JAML: variants seen among roughly 807,000 people sequenced by gnomAD.
JAML encodes junctional adhesion molecule-like.
A neutral mutation model predicts 39.3 loss-of-function variants in JAML; 25 were observed. The observed-to-expected ratio is 0.64, with a 90% confidence interval of 0.46 to 0.89. The LOEUF is 0.89. Among genes scored for constraint, JAML ranks in the 40% least tolerant of loss-of-function variants. The pLI is 0.00. For missense variants in JAML, 440 were observed against 486.9 expected, an observed-to-expected ratio of 0.90 and a Z score of 0.91; for synonymous variants, 162 against 179.2, an observed-to-expected ratio of 0.90 and a Z score of 0.77.
At chr11:118,217,185 C>T (rs1398922609) in intron 1 of JAML, among the ~76,000 whole-genome samples, 3 of 152,228 alleles carry the variant, frequency 2.0e-5, no homozygotes, top group Non-Finnish European at 4.4e-5. Context: ...TACCGTGGGG[C>T]AGCACCGGCA....
chr11:118,194,341 GT>G lies in JAML; in HGVS notation c.1168del (p.Thr390HisfsTer71). On this transcript the variant is annotated frameshift_variant, in exon 10 of 10. Coordinates refer to ENST00000356289, the MANE Select transcript of JAML (RefSeq NM_001098526.2). LOFTEE classifies it high-confidence loss of function. ...CCATTCTTCTCAAAAGGCTTGCTGT[GT>G]TTTTGGCATTCCCCCACCTGACTTT... ...EKKSGGGMPKTQQAF is the reference protein window; with the variant it reads ...EKKSGGGMPKXQQAF The G allele has an allele frequency of 6.2e-7, 1 of 1,613,844 alleles. No homozygotes were observed. The highest frequency in any genetic ancestry group is 8.5e-7 in the Non-Finnish European group (1 of 1,179,770).
chr11:118,199,918 G>A (rs923986766), intron 7 of JAML, among the ~76,000 whole-genome samples: 21 of 151,828 alleles, frequency 1.4e-4, no homozygotes, highest in African/African-American at 5.1e-4. Context: ...GGATGGTCTC[G>A]ATCTCCTGAC....
At chr11:118,215,421 G>A (rs1488119825) in intron 1 of JAML, among the ~76,000 whole-genome samples, 1 of 152,138 alleles carries the variant, frequency 6.6e-6, no homozygotes, top group Non-Finnish European at 1.5e-5. Context: ...GCCCAGGCTG[G>A]GGTGCAGTGA....
chr11:118,206,972 C>A (rs1948929334), intron 4 of JAML, among the ~76,000 whole-genome samples: 1 of 152,178 alleles, frequency 6.6e-6, no homozygotes, highest in African/African-American at 2.4e-5. Context: ...AAGCAAAGAT[C>A]ACAAGGGAAC....
intron 2 of JAML, chr11:118,213,090 G>T (rs1949093855): frequency 2.0e-6 from 3 of 1,500,202 alleles, no homozygotes; most frequent in Non-Finnish European, 1.8e-6. Flanking sequence ...ACAGAGCACA[G>T]CTTTCCTCCT....
rs1173555666 is a variant in JAML at position 118,205,895 on chromosome 11, C to T, written c.521G>A (p.Gly174Glu). ...CCTCCTTGTTACCTTTGCGCGCCGT[C>T]CTGAAAATATCCATTCTACCTTGGT... ...HVTKVEWIFS[G>E]RRAKEEIVFR... Residue 174 changes from glycine to glutamate, a missense_variant, in exon 5 of 10, where the codon GGA becomes GAA. Physicochemically the swap from Gly to Glu is moderately conservative, Grantham distance 98. Transcript: ENST00000356289. 1.9e-6 allele frequency: 3 copies of T among 1,614,018 alleles called. No homozygotes were observed. In the South Asian group the frequency reaches 3.3e-5, roughly 18 times the overall value.
chr11:118,224,568 T>C (rs1380735319), intron 1 of JAML, among the ~76,000 whole-genome samples: 2 of 152,216 alleles, frequency 1.3e-5, no homozygotes, highest in African/African-American at 2.4e-5. Flanking sequence ...AATTAAAAAC[T>C]GTCTTCTAAA....
At chr11:118,196,368 T>C (rs1948655631) in intron 9 of JAML, among the ~76,000 whole-genome samples, 1 of 152,058 alleles carries the variant, frequency 6.6e-6, no homozygotes, top group African/African-American at 2.4e-5. Flanking sequence ...CCTCAAGCAA[T>C]CCGCCCACCT....
intron 7 of JAML, among the ~76,000 whole-genome samples, chr11:118,198,620 C>G (rs1287125810): frequency 6.6e-6 from 1 of 150,622 alleles, no homozygotes; most frequent in East Asian, 1.9e-4. Flanking sequence ...GATCTCATGA[C>G]CATTTGCCTT....
Position 118,203,441 on chromosome 11 carries a change from C to G in JAML, c.759G>C (p.Pro253=). 1.9e-6 allele frequency: 3 copies of G among 1,614,092 alleles called. No individual in the cohort carries two copies. The highest frequency in any genetic ancestry group is 2.5e-6 in the Non-Finnish European group (3 of 1,179,952). ...AATGTTAGATACTTCGAGGCTCTTC[C>G]GGGCTGACATGCAGCACAATGGTTT... is the stretch of plus-strand genomic sequence containing the variant. ...FKKTIVLHVS[P]EEPRTLVTPA... is the part of the protein sequence containing the mutation. The change falls in exon 6 of 10, where the codon CCG becomes CCC. Residue 253 remains proline (P), a synonymous_variant. Transcript: ENST00000356289.
At chr11:118,224,387 G>A (rs1949239817) in intron 1 of JAML, among the ~76,000 whole-genome samples, 1 of 152,126 alleles carries the variant, frequency 6.6e-6, no homozygotes, top group Non-Finnish European at 1.5e-5. Flanking sequence ...GCTTCTAAAG[G>A]TTAAATATTG....
chr11:118,206,098 C>T (rs1948910518), intron 4 of JAML, 107 bp from the exon 5 acceptor site: 4 of 915,700 alleles, frequency 4.4e-6, no homozygotes, highest in South Asian at 1.4e-5. Context: ...CAGCAAAAAT[C>T]GCTGTCACCA....
At chr11:118,221,950 T>C (rs956791788) in intron 1 of JAML, among the ~76,000 whole-genome samples, 1 of 152,224 alleles carries the variant, frequency 6.6e-6, no homozygotes, top group Non-Finnish European at 1.5e-5. Flanking sequence ...TAATTTCACA[T>C]AGGAGGTTAC....
chr11:118,220,763 T>C (rs1618551), intron 1 of JAML, among the ~76,000 whole-genome samples: 13,782 of 152,184 alleles, frequency 0.091, 2,087 homozygotes, highest in African/African-American at 0.31. Context: ...TCAGTGCAGA[T>C]GGCCAGGCCA....
chr11:118,221,446 G>T (rs1259765213), intron 1 of JAML, among the ~76,000 whole-genome samples: 2 of 152,202 alleles, frequency 1.3e-5, no homozygotes, highest in African/African-American at 4.8e-5. Flanking sequence ...TTCCACCTCA[G>T]ATCACCAGGA....
rs1948598258 is a variant in JAML at position 118,193,981 on chromosome 11, T to C, written c.*344A>G. 4.4e-6 allele frequency: 1 copy of C among 225,916 alleles called. No individual in the cohort carries two copies. The highest frequency in any genetic ancestry group is 8.3e-5 in the South Asian group (1 of 12,024). 14.0% of individuals were successfully genotyped at this position (225,916 alleles called of 1,614,324 possible). The stretch of plus-strand genomic sequence containing the variant: ...CCAGAGGAATGATTTGGGTTGGTTT[T>C]TATCTCTGATTCTTCCCAGTAACTC... On this transcript the variant is annotated 3_prime_UTR_variant, in exon 10 of 10. Transcript: ENST00000356289.
At position 118,194,128 on chromosome 11, in the gene JAML, C is replaced by A. The variant is rs1232623203; in HGVS notation, c.*197G>T. On this transcript the variant is annotated 3_prime_UTR_variant, in exon 10 of 10. Coordinates refer to ENST00000356289, the MANE Select transcript of JAML (RefSeq NM_001098526.2). ...GAGGCCAAGTCCATGCTCCCCTCCC[C>A]TCAGCAGGCCTGTTCCTCCAGAGCT... 7.3e-6 allele frequency: 4 copies of A among 549,976 alleles called. No homozygotes were observed. Among genetic ancestry groups the A allele is most frequent in the Non-Finnish European group, 1.3e-5 (4 of 302,982 alleles). The allele number at this position is 549,976 out of a possible 1,614,324, so 34.1% of individuals were successfully genotyped here.
chr11:118,196,230 C>A (rs534220859), intron 9 of JAML, among the ~76,000 whole-genome samples: 1 of 151,496 alleles, frequency 6.6e-6, no homozygotes, highest in South Asian at 2.1e-4. Context: ...CAGGTCCAAG[C>A]AATTCTCGTG....
chr11:118,219,977 T>C (rs1257685092), intron 1 of JAML, among the ~76,000 whole-genome samples: 1 of 152,250 alleles, frequency 6.6e-6, no homozygotes, highest in African/African-American at 2.4e-5. Context: ...CAGGGCCACT[T>C]CCTGGTGTGG....
Sources: gnomAD v4.1 joint callset for allele counts (sites outside exome capture counted in the v4.1 genomes callset) on GRCh38, gnomAD v4.1.1 for gene constraint, MANE v1.5 for transcripts, NCBI Gene and HGNC (gene_info 2026-07-23, HGNC 2026-07-21) for gene names.